Variants in LARP1 observed in about 807,000 individuals in gnomAD.
The protein encoded by LARP1 is la-related protein 1.
In LARP1, 36 loss-of-function variants were observed where a neutral mutation model predicts 122.7. The ratio of observed to expected loss-of-function variants is 0.29; its 90% CI spans 0.22 to 0.39. The LOEUF is 0.39. Ranked by LOEUF, LARP1 falls within the 10% of genes least tolerant of loss-of-function variation. The pLI is 1.00. For missense variants in LARP1, 1,040 were observed against 1,403.6 expected, an observed-to-expected ratio of 0.74 and a Z score of 4.14; for synonymous variants, 539 against 528.7, an observed-to-expected ratio of 1.02 and a Z score of -0.27.
chr5:154,771,336 C>T (rs1755410961), intron 1 of LARP1, among the ~76,000 whole-genome samples: 1 of 152,206 alleles, frequency 6.6e-6, no homozygotes, highest in Non-Finnish European at 1.5e-5. Flanking sequence ...CCACACACTC[C>T]TATTCACTGT....
chr5:154,763,262 A>T (rs768941617), intron 1 of LARP1, among the ~76,000 whole-genome samples: 1 of 151,668 alleles, frequency 6.6e-6, no homozygotes, highest in Non-Finnish European at 1.5e-5. Flanking sequence ...GGGTTTCTTC[A>T]TGTTGGTCGG....
chr5:154,807,404 ACT>A (rs769604128), intron 15 of LARP1, among the ~76,000 whole-genome samples: 4 of 152,104 alleles, frequency 2.6e-5, no homozygotes, highest in African/African-American at 7.2e-5. Context: ...ACAAAATTAA[ACT>A]CTGTTTTCCA....
At chr5:154,759,030 T>A (rs1754235475) in intron 1 of LARP1, among the ~76,000 whole-genome samples, 1 of 152,220 alleles carries the variant, frequency 6.6e-6, no homozygotes, top group Non-Finnish European at 1.5e-5. Flanking sequence ...ACGTCTAAGT[T>A]AAGAGATGAT....
chr5:154,768,735 C>T (rs908684796), intron 1 of LARP1, among the ~76,000 whole-genome samples: 2 of 152,066 alleles, frequency 1.3e-5, no homozygotes, highest in Non-Finnish European at 2.9e-5. Context: ...GCACGCGCCA[C>T]CATGCCCGGC....
At chr5:154,731,624 G>T (rs1756572039) in intron 1 of LARP1, among the ~76,000 whole-genome samples, 1 of 152,154 alleles carries the variant, frequency 6.6e-6, no homozygotes, top group African/African-American at 2.4e-5. Flanking sequence ...GGAATCTGAA[G>T]CTGGATTGCT....
At chr5:154,766,521 C>T (rs929177363) in intron 1 of LARP1, among the ~76,000 whole-genome samples, 2 of 152,182 alleles carry the variant, frequency 1.3e-5, no homozygotes, top group African/African-American at 4.8e-5. Context: ...CAGAATGCAT[C>T]TCATTTGCTG....
intron 1 of LARP1, 70 bp from the exon 2 acceptor site, chr5:154,790,255 G>A (rs1394459483): frequency 7.6e-7 from 1 of 1,322,290 alleles, no homozygotes; most frequent in Non-Finnish European, 1.1e-6. Context: ...ACGGTGATGA[G>A]GGTGAGGAGC....
chr5:154,810,462 A>G (rs1010649162), intron 16 of LARP1, among the ~76,000 whole-genome samples: 4 of 151,402 alleles, frequency 2.6e-5, no homozygotes, highest in African/African-American at 9.7e-5. Flanking sequence ...AAAGATCTAA[A>G]TCTATTGGCA....
chr5:154,769,050 G>T (rs1028023225), intron 1 of LARP1, among the ~76,000 whole-genome samples: 2 of 152,192 alleles, frequency 1.3e-5, no homozygotes, highest in African/African-American at 4.8e-5. Flanking sequence ...CACTGGCCAG[G>T]CTGGTCTTGA....
intron 1 of LARP1, among the ~76,000 whole-genome samples, chr5:154,788,954 G>A (rs1040287918): frequency 3.3e-5 from 5 of 152,140 alleles, no homozygotes; most frequent in African/African-American, 1.2e-4. Context: ...GCTGACGCCT[G>A]TAATCCCAGC....
At chr5:154,780,008 G>A (rs561663149) in intron 1 of LARP1, among the ~76,000 whole-genome samples, 1 of 152,240 alleles carries the variant, frequency 6.6e-6, no homozygotes, top group African/African-American at 2.4e-5. Context: ...TGAACTCACC[G>A]AGAGAGGCAA....
intron 1 of LARP1, among the ~76,000 whole-genome samples, chr5:154,735,799 G>A (rs532764288): frequency 7.3e-5 from 11 of 151,346 alleles, no homozygotes; most frequent in Non-Finnish European, 1.2e-4. Flanking sequence ...TCAAACTCCT[G>A]ACCTCAGGTG....
At chr5:154,718,701 G>A (rs1249309878) in intron 1 of LARP1, 4 of 152,278 alleles carry the variant, frequency 2.6e-5, no homozygotes, top group African/African-American at 9.6e-5. Context: ...AGATCATCTA[G>A]TACAGTAATA....
intron 8 of LARP1, among the ~76,000 whole-genome samples, chr5:154,798,072 G>T (rs1238258453): frequency 6.6e-6 from 1 of 152,148 alleles, no homozygotes; most frequent in Non-Finnish European, 1.5e-5. Flanking sequence ...TCTTTGTGTG[G>T]TTTCACATTT....
In LARP1 at chr5:154,686,610, T is replaced by C. The variant is rs553613769; in HGVS notation, c.-180+3573T>C. Among the ~76,000 whole-genome samples the C allele has an allele frequency of 3.9e-5, 6 of 152,124 alleles. No homozygotes were observed. In the South Asian group the frequency reaches 6.2e-4, roughly 16 times the overall value. On this transcript the variant is annotated intron_variant, in intron 1 of 18. Transcript: ENST00000687700. ...ATAGACTGGCACTGAGAAGTGGCCG[T>C]TCGTTTTGAAGGTGTGGGCTTACTC... is the stretch of plus-strand genomic sequence containing the variant.
At chr5:154,754,677 C>T (rs1753687530), upstream of LARP1, among the ~76,000 whole-genome samples, 1 of 152,270 alleles carries the variant, frequency 6.6e-6, no homozygotes, top group South Asian at 2.1e-4. Context: ...GACTCGCTTT[C>T]CAGGCCCGGA....
intron 1 of LARP1, among the ~76,000 whole-genome samples, chr5:154,750,134 G>A (rs1310061400): frequency 1.3e-5 from 2 of 152,248 alleles, no homozygotes; most frequent in Non-Finnish European, 2.9e-5. Flanking sequence ...TCTTTAGGAA[G>A]TTGTCAGCAC....
At chr5:154,702,557 CA>C (rs764120906) in intron 1 of LARP1, among the ~76,000 whole-genome samples, 79 of 125,768 alleles carry the variant, frequency 6.3e-4, no homozygotes, top group Middle Eastern at 3.9e-3. Flanking sequence ...ACTCCATCTC[CA>C]AAAAAAAAAA....
intron 3 of LARP1, among the ~76,000 whole-genome samples, chr5:154,791,247 T>G (rs1191099885): frequency 2.7e-5 from 4 of 146,642 alleles, no homozygotes; most frequent in Non-Finnish European, 6.0e-5. Context: ...CAATTCTCAC[T>G]CTGTCACCCA....
Sources: gnomAD v4.1 joint callset for allele counts (sites outside exome capture counted in the v4.1 genomes callset) on GRCh38, gnomAD v4.1.1 for gene constraint, MANE v1.5 for transcripts, NCBI Gene and HGNC (gene_info 2026-07-23, HGNC 2026-07-21) for gene names.